The following CLEC12A variants were observed in gnomAD, a reference collection of about 807,000 sequenced individuals.
The protein encoded by CLEC12A is C-type lectin protein CLL-1.
A neutral mutation model predicts 26.5 loss-of-function variants in CLEC12A; 22 were observed. The observed-to-expected ratio is 0.83, with a 90% CI of 0.59 to 1.19. The LOEUF is 1.19. Among genes scored for constraint, CLEC12A ranks in the 50% most tolerant of loss-of-function variants. The pLI, the probability that CLEC12A is intolerant of heterozygous loss-of-function variation, is 0.00. For missense variants in CLEC12A, 353 were observed against 315.6 expected (o/e 1.12, Z -0.90); for synonymous variants, 119 against 101.9 (o/e 1.17, Z -1.01).
At chr12:9,993,467 G>A (rs924840249) in intron 4 of CLEC12A, 30 of 605,660 alleles carry the variant, frequency 5.0e-5, no homozygotes, top group Admixed American at 1.2e-4. Flanking sequence ...TACAAGATAT[G>A]CATATTTAAA....
chr12:10,004,509 G>C, the CLEC12A span, among the ~76,000 whole-genome samples: 1 of 151,974 alleles, frequency 6.6e-6, no homozygotes, highest in East Asian at 1.9e-4. Flanking sequence ...ACTCCTCTTG[G>C]CGTTCAGAAG....
chr12:9,962,999 G>A (rs1366572780), intron 1 of CLEC12A, among the ~76,000 whole-genome samples: 3 of 152,176 alleles, frequency 2.0e-5, no homozygotes, highest in Non-Finnish European at 4.4e-5. Flanking sequence ...ACCTAGAGTG[G>A]GAGAGATTAA....
intron 4 of CLEC12A, chr12:9,993,406 C>CAAA (rs11412323): frequency 1.7e-4 from 89 of 509,346 alleles, no homozygotes; most frequent in South Asian, 4.3e-4. Flanking sequence ...GAAAAAAAAA[C>CAAA]AAAAAAAAAA....
intron 3 of CLEC12A, 41 bp downstream of exon 3, chr12:9,979,565 A>G (rs771999457): frequency 5.6e-6 from 8 of 1,435,618 alleles, no homozygotes; most frequent in South Asian, 2.5e-5. Flanking sequence ...TGGACAATAA[A>G]CTAAACCACT....
At chr12:9,961,462 G>C (rs1863828014) in intron 1 of CLEC12A, among the ~76,000 whole-genome samples, 1 of 152,168 alleles carries the variant, frequency 6.6e-6, no homozygotes, top group Non-Finnish European at 1.5e-5. Flanking sequence ...ATTTTAGTTT[G>C]TTGGAGAACA....
At chr12:9,998,610 T>C (rs1006635268), downstream of CLEC12A, among the ~76,000 whole-genome samples, 5 of 128,406 alleles carry the variant, frequency 3.9e-5, no homozygotes, top group African/African-American at 1.5e-4. Context: ...CAAGCTGAAA[T>C]ATTACTTGCT....
the CLEC12A span, among the ~76,000 whole-genome samples, chr12:10,002,453 T>TG: frequency 3.0e-5 from 1 of 33,680 alleles, no homozygotes; most frequent in Admixed American, 2.4e-4. Context: ...TTTTTTTTTT[T>TG]TTTTTTTGAG....
At chr12:9,994,628 T>C (rs999285952) in intron 4 of CLEC12A, among the ~76,000 whole-genome samples, 2 of 152,130 alleles carry the variant, frequency 1.3e-5, no homozygotes, top group Non-Finnish European at 2.9e-5. Context: ...TTAATGGACA[T>C]TGGAATTATC....
chr12:9,958,259 GA>G (rs1162746735), intron 1 of CLEC12A, among the ~76,000 whole-genome samples: 5 of 152,236 alleles, frequency 3.3e-5, no homozygotes, highest in Non-Finnish European at 7.3e-5. Flanking sequence ...AGATCCGGTT[GA>G]TACAGAACCC....
chr12:9,975,999 G>A (rs1237448743), intron 1 of CLEC12A, among the ~76,000 whole-genome samples: 6 of 152,234 alleles, frequency 3.9e-5, no homozygotes, highest in Non-Finnish European at 4.4e-5. Flanking sequence ...GTGCACAGAA[G>A]TCAAGAGTTG....
chr12:9,977,643 CT>C (rs1160702009), intron 1 of CLEC12A, among the ~76,000 whole-genome samples: 2 of 152,156 alleles, frequency 1.3e-5, no homozygotes, highest in African/African-American at 4.8e-5. Flanking sequence ...TCTATAACAG[CT>C]TAGTTTTAAA....
intron 1 of CLEC12A, among the ~76,000 whole-genome samples, chr12:9,954,874 A>G (rs1209649148): frequency 6.6e-6 from 1 of 152,230 alleles, no homozygotes; most frequent in Non-Finnish European, 1.5e-5. Flanking sequence ...TGGAATTGTC[A>G]GCATACTTTT....
At chr12:9,959,972 T>A (rs954184603) in intron 1 of CLEC12A, among the ~76,000 whole-genome samples, 1 of 152,222 alleles carries the variant, frequency 6.6e-6, no homozygotes, top group Non-Finnish European at 1.5e-5. Flanking sequence ...CAGACTTCAT[T>A]TCTGTATGGA....
intron 1 of CLEC12A, among the ~76,000 whole-genome samples, chr12:9,955,338 C>T (rs1450881874): frequency 2.0e-5 from 3 of 152,222 alleles, no homozygotes; most frequent in Admixed American, 1.3e-4. Flanking sequence ...CCTCCTGCCT[C>T]AGCCTCCCAA....
In CLEC12A at chr12:9,979,460, C is replaced by T. The variant is rs1344167876; in HGVS notation, c.315C>T (p.Asn105=). The T allele has an allele frequency of 6.2e-7, 1 of 1,613,436 alleles. No homozygotes were observed. Among genetic ancestry groups the T allele is most frequent in the Non-Finnish European group, 8.5e-7 (1 of 1,179,636 alleles). ...TGAATATCTCCAACAAGATCAGGAA[C>T]CTCTCCACCACACTGCAAACAATAG... The part of the protein sequence containing the change: ...SNMNISNKIR[N]LSTTLQTIAT... Residue 105 remains asparagine (N), a synonymous_variant, in exon 3 of 6, where the codon AAC becomes AAT. Coordinates refer to ENST00000304361, the MANE Select transcript of CLEC12A (RefSeq NM_138337.6).
At chr12:9,965,827 G>A (rs1047342269) in intron 1 of CLEC12A, among the ~76,000 whole-genome samples, 2 of 152,202 alleles carry the variant, frequency 1.3e-5, no homozygotes. Context: ...TTGGCATTGA[G>A]CGGGGTAAGG....
At chr12:10,002,588 G>T in the CLEC12A span, among the ~76,000 whole-genome samples, 1 of 150,894 alleles carries the variant, frequency 6.6e-6, no homozygotes, top group Non-Finnish European at 1.5e-5. Flanking sequence ...GACTACAGGC[G>T]CCCGCCACCA....
chr12:9,969,245 T>C (rs1002524483), upstream of CLEC12A, among the ~76,000 whole-genome samples: 2 of 152,062 alleles, frequency 1.3e-5, no homozygotes, highest in African/African-American at 2.4e-5. Context: ...AGAGAAGAAA[T>C]GTACTATTCC....
chr12:9,971,657 A>G lies in CLEC12A; in HGVS notation c.61A>G (p.Ile21Val), dbSNP rs141326355. ...QFQNSSEMEK[I>V]PEIGKFGEKA... The stretch of plus-strand genomic sequence containing the variant: ...CCAGAACTCCAGTGAGATGGAAAAA[A>G]TCCCAGAAATTGGCAAATTTGGGGA... Residue 21 changes from isoleucine (I) to valine (V), a missense_variant, in exon 1 of 6, where the codon ATC becomes GTC. By Grantham distance (29) the Ile-to-Val change is conservative. Transcript: ENST00000304361. 1,471 of 1,610,434 alleles carry G rather than the reference A, an allele frequency of 9.1e-4. 3 individuals are homozygous for G. The highest frequency in any genetic ancestry group is 1.7e-3 in the Middle Eastern group (10 of 5,986).
Sources: allele counts gnomAD v4.1 joint callset (sites outside exome capture counted in the v4.1 genomes callset), GRCh38; gene constraint gnomAD v4.1.1; transcripts MANE v1.5; gene names NCBI Gene and HGNC (gene_info 2026-07-23, HGNC 2026-07-21).